Variants in CNTLN observed in about 807,000 individuals in gnomAD.
The protein encoded by CNTLN is centlein.
CNTLN carries 212 observed loss-of-function variants against 180.0 expected under a neutral mutation model. That is an observed-to-expected ratio of 1.18 (90% CI 1.05 to 1.32). CNTLN has a LOEUF of 1.32. Ranked by LOEUF, CNTLN falls within the 40% of genes most tolerant of loss-of-function variation. CNTLN has a pLI of 0.00. For missense variants in CNTLN, 2,095 were observed against 1,610.9 expected (o/e 1.30, Z -5.14); for synonymous variants, 722 against 563.1 (o/e 1.28, Z -3.99).
At chr9:17,184,996 T>C (rs1406050101) in intron 2 of CNTLN, among the ~76,000 whole-genome samples, 2 of 152,250 alleles carry the variant, frequency 1.3e-5, no homozygotes, top group East Asian at 1.9e-4. Context: ...ATAAAAGCTT[T>C]AGCCAATAAC....
chr9:17,325,647 G>A (rs545144622), intron 8 of CNTLN, among the ~76,000 whole-genome samples: 1 of 151,702 alleles, frequency 6.6e-6, no homozygotes, highest in Non-Finnish European at 1.5e-5. Context: ...TTCTTTTGCT[G>A]AGGTATCATG....
intron 10 of CNTLN, among the ~76,000 whole-genome samples, chr9:17,336,132 CTTG>C (rs536268832): frequency 3.3e-5 from 5 of 152,068 alleles, no homozygotes; most frequent in Non-Finnish European, 7.4e-5. Context: ...ATACACTTGA[CTTG>C]TTGTAAGATC....
chr9:17,150,777 C>T (rs767762459), intron 2 of CNTLN, among the ~76,000 whole-genome samples: 6 of 152,104 alleles, frequency 3.9e-5, no homozygotes, highest in African/African-American at 7.2e-5. Context: ...TCTTCCTATC[C>T]GTGAGCATGG....
downstream of CNTLN, among the ~76,000 whole-genome samples, chr9:17,508,445 C>T (rs936323363): frequency 1.3e-5 from 2 of 152,084 alleles, no homozygotes; most frequent in African/African-American, 4.8e-5. Context: ...TTTACATTCA[C>T]TTCGTTGGAG....
At chr9:17,325,609 A>G (rs1820236739) in intron 8 of CNTLN, among the ~76,000 whole-genome samples, 1 of 151,596 alleles carries the variant, frequency 6.6e-6, no homozygotes, top group African/African-American at 2.4e-5. Context: ...CTTGATTTTC[A>G]GTGATATATT....
At chr9:17,362,140 A>G (rs754186075) in intron 12 of CNTLN, among the ~76,000 whole-genome samples, 15 of 152,220 alleles carry the variant, frequency 9.9e-5, no homozygotes, top group African/African-American at 2.2e-4. Context: ...AGTATAAAGT[A>G]TGTTTTAAGA....
intron 2 of CNTLN, among the ~76,000 whole-genome samples, chr9:17,221,729 GCTTA>G (rs1306250104): frequency 2.0e-5 from 3 of 151,816 alleles, no homozygotes; most frequent in East Asian, 3.9e-4. Context: ...TTCCTGGCCC[GCTTA>G]CTATCTCAGT....
intron 16 of CNTLN, among the ~76,000 whole-genome samples, chr9:17,411,255 G>A (rs1827822234): frequency 1.3e-5 from 2 of 152,024 alleles, no homozygotes; most frequent in African/African-American, 4.8e-5. Flanking sequence ...ACATGCCCTG[G>A]ATAAAACCCT....
intron 18 of CNTLN, among the ~76,000 whole-genome samples, chr9:17,433,581 C>G (rs890305822): frequency 6.6e-6 from 1 of 151,662 alleles, no homozygotes; most frequent in Non-Finnish European, 1.5e-5. Context: ...CCACCGCGCC[C>G]AGCCCTATTT....
chr9:17,411,256 A>G (rs920750509), intron 16 of CNTLN, among the ~76,000 whole-genome samples: 2 of 152,126 alleles, frequency 1.3e-5, no homozygotes, highest in Non-Finnish European at 2.9e-5. Context: ...CATGCCCTGG[A>G]TAAAACCCTT....
intron 25 of CNTLN, among the ~76,000 whole-genome samples, chr9:17,498,344 A>T (rs1833568027): frequency 6.6e-6 from 1 of 152,196 alleles, no homozygotes; most frequent in Non-Finnish European, 1.5e-5. Flanking sequence ...CCTCTAAAGG[A>T]AGCCACAATT....
At chr9:17,148,414 C>T (rs113569078) in intron 2 of CNTLN, among the ~76,000 whole-genome samples, 81 of 152,320 alleles carry the variant, frequency 5.3e-4, no homozygotes, top group African/African-American at 1.5e-3. Flanking sequence ...TACATAGCCT[C>T]ATTTTATGTG....
chr9:17,435,155 C>G (rs1364831354), intron 18 of CNTLN, among the ~76,000 whole-genome samples: 2 of 152,146 alleles, frequency 1.3e-5, no homozygotes, highest in Non-Finnish European at 2.9e-5. Context: ...TGGCTTATTT[C>G]TGCCCTGCTT....
chr9:17,331,282 A>G (rs1339179254), intron 9 of CNTLN, among the ~76,000 whole-genome samples: 2 of 151,746 alleles, frequency 1.3e-5, no homozygotes, highest in African/African-American at 2.4e-5. Context: ...TGCACTTGTT[A>G]TATATTTTTA....
At chr9:17,301,562 A>C (rs1818353691) in intron 7 of CNTLN, 6 of 984,778 alleles carry the variant, frequency 6.1e-6, no homozygotes, top group South Asian at 4.7e-5. Context: ...GTGTGGGAGT[A>C]GGGGGCTTCA....
intron 25 of CNTLN, among the ~76,000 whole-genome samples, chr9:17,489,695 T>A (rs1391726390): frequency 6.6e-6 from 1 of 152,154 alleles, no homozygotes; most frequent in East Asian, 1.9e-4. Flanking sequence ...ACTGCTGTTG[T>A]TAGCTACAAG....
At chr9:17,204,979 G>A (rs1389914884) in intron 2 of CNTLN, among the ~76,000 whole-genome samples, 1 of 152,162 alleles carries the variant, frequency 6.6e-6, no homozygotes, top group Non-Finnish European at 1.5e-5. Context: ...AGCCTCCTTA[G>A]CACTGTCAGG....
chr9:17,359,725 CAAAAAAAAAA>C (rs1176814681), intron 12 of CNTLN, among the ~76,000 whole-genome samples: 6 of 21,334 alleles, frequency 2.8e-4, no homozygotes, highest in African/African-American at 7.5e-4. Context: ...ACTAAAAATA[CAAAAAAAAAA>C]AAAAAAAAAA....
chr9:17,329,656 C>G (rs1820517087), intron 8 of CNTLN, among the ~76,000 whole-genome samples: 1 of 151,464 alleles, frequency 6.6e-6, no homozygotes, highest in South Asian at 2.1e-4. Context: ...CGTATCCTCT[C>G]AAAAAAGAAA....
Sources: allele counts gnomAD v4.1 joint callset (sites outside exome capture counted in the v4.1 genomes callset), GRCh38; gene constraint gnomAD v4.1.1; transcripts MANE v1.5; gene names NCBI Gene and HGNC (gene_info 2026-07-23, HGNC 2026-07-21).